Variants in PDE7A observed in about 807,000 individuals in gnomAD.
PDE7A encodes the protein phosphodiesterase 7A.
Under a neutral mutation model 64.3 loss-of-function variants are expected in PDE7A, and 39 were observed. The observed-to-expected ratio is 0.61, with a 90% CI of 0.47 to 0.79. PDE7A has a LOEUF of 0.79. Ranked by LOEUF, PDE7A falls within the 30% of genes least tolerant of loss-of-function variation. The pLI, the probability that PDE7A is intolerant of heterozygous loss-of-function variation, is 0.00. For missense variants in PDE7A, 470 were observed against 582.8 expected (o/e 0.81, Z 1.99); for synonymous variants, 203 against 206.8 (o/e 0.98, Z 0.16).
intron 1 of PDE7A, among the ~76,000 whole-genome samples, chr8:65,811,917 A>G (rs1393379478): frequency 1.3e-5 from 2 of 152,192 alleles, no homozygotes; most frequent in Non-Finnish European, 2.9e-5. Flanking sequence ...AAAAGAATAG[A>G]AAGTCCAGGC....
At chr8:65,839,767 A>T (rs1428856035) in intron 1 of PDE7A, among the ~76,000 whole-genome samples, 4 of 152,238 alleles carry the variant, frequency 2.6e-5, no homozygotes, top group Non-Finnish European at 5.9e-5. Flanking sequence ...TGGAGCTTAA[A>T]ATTGGTCTCT....
chr8:65,813,251 T>C (rs539300923), intron 1 of PDE7A, among the ~76,000 whole-genome samples: 2 of 152,328 alleles, frequency 1.3e-5, no homozygotes, highest in South Asian at 2.1e-4. Flanking sequence ...GTCACAGATA[T>C]ATTAGCATAG....
intron 1 of PDE7A, among the ~76,000 whole-genome samples, chr8:65,814,273 A>G (rs554306706): frequency 1.3e-3 from 196 of 152,036 alleles, no homozygotes; most frequent in African/African-American, 4.5e-3. Flanking sequence ...GCACTTTGGG[A>G]GGCCGAGGCG....
At chr8:65,793,820 A>G (rs748424315) in intron 1 of PDE7A, among the ~76,000 whole-genome samples, 2 of 152,226 alleles carry the variant, frequency 1.3e-5, no homozygotes, top group Non-Finnish European at 2.9e-5. Context: ...GAAATTACAT[A>G]AGGCAGAAGT....
Position 65,715,208 on chromosome 8 carries a change from G to GA in PDE7A, c.*4081dup, listed in dbSNP as rs576543145. ...TTTAACTGTTTCCTAAAATTTTTTAGAAAAAAATATTCCAGTAATATAGGT... is the reference window on the plus strand; with the variant it reads ...TTTAACTGTTTCCTAAAATTTTTTAGAAAAAAAATATTCCAGTAATATAGGT... On this transcript the variant is annotated 3_prime_UTR_variant, in exon 13 of 13. Transcript: ENST00000401827. Among the ~76,000 whole-genome samples, 337 of 151,778 alleles carry GA rather than the reference G, an allele frequency of 2.2e-3. No homozygotes were observed. The highest frequency in any genetic ancestry group is 4.2e-3 in the Admixed American group (64 of 15,258).
At chr8:65,824,903 G>A (rs1810632290) in intron 1 of PDE7A, among the ~76,000 whole-genome samples, 1 of 151,840 alleles carries the variant, frequency 6.6e-6, no homozygotes, top group Admixed American at 6.6e-5. Flanking sequence ...CAATATCTGA[G>A]GTATGCCTAT....
In PDE7A at chr8:65,739,744, A is replaced by T; in HGVS notation, c.500-147T>A. ...TATCAAAAATATGCATCTTCTTACCAGTTATGAACTTTATATGTCACATCT... is the reference window on the plus strand; with the variant it reads ...TATCAAAAATATGCATCTTCTTACCTGTTATGAACTTTATATGTCACATCT... On this transcript the variant is annotated intron_variant, in intron 5 of 12. Coordinates refer to ENST00000401827, the MANE Select transcript of PDE7A (RefSeq NM_001242318.3). 2.3e-6 allele frequency: 2 copies of T among 884,708 alleles called. 1 individual carries two copies. Among genetic ancestry groups the T allele is most frequent in the East Asian group, 7.3e-5 (2 of 27,226 alleles). The allele number at this position is 884,708 out of a possible 1,614,324, so 54.8% of individuals were successfully genotyped here. A position where few individuals can be genotyped will look rare whatever the true frequency, so the allele number is the denominator to read the frequency against.
intron 1 of PDE7A, among the ~76,000 whole-genome samples, chr8:65,817,725 T>C (rs1482669114): frequency 2.0e-5 from 3 of 150,628 alleles, no homozygotes; most frequent in Non-Finnish European, 4.4e-5. Flanking sequence ...GAAGTCCCTC[T>C]CATTATATCT....
intron 12 of PDE7A, chr8:65,723,066 CT>C (rs1282644360): frequency 6.6e-6 from 1 of 152,474 alleles, no homozygotes; most frequent in Non-Finnish European, 1.5e-5. Flanking sequence ...TTATAAGGGC[CT>C]GTCTAGGATG....
intron 3 of PDE7A, among the ~76,000 whole-genome samples, chr8:65,777,054 C>T (rs1403719328): frequency 7.1e-6 from 1 of 140,286 alleles, no homozygotes; most frequent in Non-Finnish European, 1.5e-5. Context: ...TAAGAAAGAA[C>T]AAATACTCAA....
At chr8:65,735,331 C>T (rs1807081702) in intron 6 of PDE7A, among the ~76,000 whole-genome samples, 1 of 152,128 alleles carries the variant, frequency 6.6e-6, no homozygotes, top group Admixed American at 6.6e-5. Context: ...TTTTTTGAGA[C>T]AGGATCTCAC....
chr8:65,762,991 A>ATGTGTGTGTGTGTGTG (rs34371328), intron 3 of PDE7A, among the ~76,000 whole-genome samples: 1 of 138,514 alleles, frequency 7.2e-6, no homozygotes, highest in East Asian at 2.1e-4. Context: ...TATAAAAACA[A>ATGTGTGTGTGTGTGTG]TGTGTGTGTG....
intron 5 of PDE7A, among the ~76,000 whole-genome samples, chr8:65,744,128 C>T (rs555170326): frequency 6.6e-6 from 1 of 152,240 alleles, no homozygotes; most frequent in East Asian, 1.9e-4. Context: ...CCACCACGCC[C>T]AGCCTAGCTG....
rs929520913 is a variant in PDE7A at position 65,718,732 on chromosome 8, C to G, written c.*558G>C. 4.5e-5 allele frequency: 7 copies of G among 153,918 alleles called. No homozygotes were observed. Among genetic ancestry groups the G allele is most frequent in the Admixed American group, 6.4e-5 (1 of 15,660 alleles). The allele number at this position is 153,918 out of a possible 1,614,324, so 9.5% of individuals were successfully genotyped here. A position where few individuals can be genotyped will look rare whatever the true frequency, so the allele number is the denominator to read the frequency against. On this transcript the variant is annotated 3_prime_UTR_variant, in exon 13 of 13. Coordinates refer to ENST00000401827, the MANE Select transcript of PDE7A (RefSeq NM_001242318.3). ...CAAACCAGGGGGAAAGAGCTGCAGT[C>G]TAAAGTTTGATCTTTAAATTTGTTT...
intron 3 of PDE7A, among the ~76,000 whole-genome samples, chr8:65,768,210 A>C (rs773381106): frequency 8.5e-5 from 13 of 152,216 alleles, no homozygotes; most frequent in Non-Finnish European, 1.5e-4. Context: ...GAGCATCCAC[A>C]AATTTAAACA....
At chr8:65,744,153 G>T (rs1057422071) in intron 5 of PDE7A, among the ~76,000 whole-genome samples, 1 of 151,932 alleles carries the variant, frequency 6.6e-6, no homozygotes, top group African/African-American at 2.4e-5. Flanking sequence ...GCTTTTACCA[G>T]TGAATAAGAA....
rs1806104333 is a variant in PDE7A at position 65,715,679 on chromosome 8, C to A, written c.*3611G>T. The stretch of plus-strand genomic sequence containing the variant: ...AGGTGTGAGCCACCATGCCCGGCCA[C>A]AAAAATGTTCTTAAAAAATTAGCTG... On this transcript the variant is annotated 3_prime_UTR_variant, in exon 13 of 13. Transcript: ENST00000401827. 7.1e-6 allele frequency among the ~76,000 whole-genome samples: 1 copy of A among 141,568 alleles called. No individual in the cohort carries two copies. Among genetic ancestry groups the A allele is most frequent in the African/African-American group, 2.5e-5 (1 of 39,414 alleles). 92.9% of individuals were successfully genotyped at this position (141,568 alleles called of 152,430 possible).
At chr8:65,739,885 T>C (rs1032661885) in intron 5 of PDE7A, among the ~76,000 whole-genome samples, 5 of 152,168 alleles carry the variant, frequency 3.3e-5, no homozygotes, top group African/African-American at 7.2e-5. Context: ...ATAATGAGAA[T>C]AGACAATAGA....
chr8:65,730,090 C>G (rs1044699999), intron 7 of PDE7A, among the ~76,000 whole-genome samples: 1 of 149,570 alleles, frequency 6.7e-6, no homozygotes, highest in Non-Finnish European at 1.5e-5. Context: ...TGCCTGAGCT[C>G]TGCCTTGGAA....
Sources: gnomAD v4.1 joint callset for allele counts (sites outside exome capture counted in the v4.1 genomes callset) on GRCh38, gnomAD v4.1.1 for gene constraint, MANE v1.5 for transcripts, NCBI Gene and HGNC (gene_info 2026-07-23, HGNC 2026-07-21) for gene names.